The following CACNA1C variants were observed in gnomAD, a reference collection of about 807,000 sequenced individuals.
CACNA1C encodes voltage-dependent L-type calcium channel subunit alpha-1C.
CACNA1C carries 30 observed loss-of-function variants against 229.0 expected under a neutral mutation model. The observed-to-expected ratio is 0.13, with a 90% confidence interval of 0.10 to 0.18. The LOEUF (loss-of-function observed/expected upper bound fraction) is 0.18, where lower values mean the gene tolerates loss of function less well. CACNA1C is among the 10% of genes least tolerant of loss of function. CACNA1C has a pLI of 1.00. For synonymous variants in CACNA1C, 1,114 were observed against 1,132.5 expected (o/e 0.98, Z 0.33); for missense variants, 1,658 against 2,845.0 (o/e 0.58, Z 9.49).
chr12:2,384,323 C>A (rs1456144433), intron 3 of CACNA1C, among the ~76,000 whole-genome samples: 1 of 152,146 alleles, frequency 6.6e-6, no homozygotes, highest in Non-Finnish European at 1.5e-5. Flanking sequence ...CGTCTTTCAC[C>A]CTTTCTGTGC....
intron 3 of CACNA1C, among the ~76,000 whole-genome samples, chr12:2,274,326 C>T (rs979381575): frequency 1.3e-5 from 2 of 152,222 alleles, no homozygotes; most frequent in African/African-American, 4.8e-5. Context: ...CAAGTACCTG[C>T]TGATGTTTCT....
At chr12:2,353,089 G>A (rs1467527482) in intron 3 of CACNA1C, among the ~76,000 whole-genome samples, 1 of 152,208 alleles carries the variant, frequency 6.6e-6, no homozygotes, top group Non-Finnish European at 1.5e-5. Context: ...CTGGGGCGAG[G>A]TCACCTGTGG....
At chr12:2,620,086 A>C (rs561150521) in intron 29 of CACNA1C, among the ~76,000 whole-genome samples, 2 of 152,218 alleles carry the variant, frequency 1.3e-5, no homozygotes, top group Non-Finnish European at 2.9e-5. Context: ...AGAACCAGAC[A>C]TGAAGCTGGA....
intron 26 of CACNA1C, among the ~76,000 whole-genome samples, chr12:2,607,724 A>G (rs1196117441): frequency 6.6e-6 from 1 of 152,264 alleles, no homozygotes; most frequent in Non-Finnish European, 1.5e-5. Flanking sequence ...GCTTCCCATC[A>G]GATCCTTATA....
At chr12:2,448,939 GA>G in intron 3 of CACNA1C, 36 bp from the exon 4 acceptor site, 1 of 1,569,104 alleles carries the variant, frequency 6.4e-7, no homozygotes, top group East Asian at 2.2e-5. Flanking sequence ...CCAAACCAAT[GA>G]CTTATTTTTC....
At chr12:2,303,611 C>A (rs1388400860) in intron 3 of CACNA1C, among the ~76,000 whole-genome samples, 1 of 152,046 alleles carries the variant, frequency 6.6e-6, no homozygotes, top group Non-Finnish European at 1.5e-5. Flanking sequence ...CAAAAAAAAA[C>A]AAACAAAATA....
At chr12:2,159,088 C>G (rs1291314811) in intron 3 of CACNA1C, among the ~76,000 whole-genome samples, 1 of 151,972 alleles carries the variant, frequency 6.6e-6, no homozygotes, top group African/African-American at 2.4e-5. Flanking sequence ...AAAGAAACAG[C>G]TAAGGAATTG....
chr12:2,404,114 G>T (rs1302855205), intron 3 of CACNA1C, among the ~76,000 whole-genome samples: 1 of 152,164 alleles, frequency 6.6e-6, no homozygotes, highest in East Asian at 1.9e-4. Context: ...TTCTCTGTGT[G>T]CCACACTATG....
At chr12:2,091,309 G>T (rs1019817670) in intron 1 of CACNA1C, among the ~76,000 whole-genome samples, 2 of 152,134 alleles carry the variant, frequency 1.3e-5, no homozygotes, top group African/African-American at 4.8e-5. Flanking sequence ...TGAGAGGCTG[G>T]GTATGTTCAT....
At chr12:2,045,921 C>G (rs538930370) in intron 1 of CACNA1C, among the ~76,000 whole-genome samples, 1 of 151,784 alleles carries the variant, frequency 6.6e-6, no homozygotes, top group Admixed American at 6.6e-5. Context: ...ATTCCAATGA[C>G]AGGTGTCCTT....
At chr12:2,340,052 C>G (rs549587127) in intron 3 of CACNA1C, among the ~76,000 whole-genome samples, 60 of 152,236 alleles carry the variant, frequency 3.9e-4, no homozygotes, top group Non-Finnish European at 7.8e-4. Context: ...TATGAATCTG[C>G]AGTATAATGT....
At chr12:2,353,443 G>A (rs954154432) in intron 3 of CACNA1C, among the ~76,000 whole-genome samples, 5 of 152,198 alleles carry the variant, frequency 3.3e-5, no homozygotes, top group African/African-American at 9.7e-5. Flanking sequence ...CCTAACAGGC[G>A]GCGCTGCCGC....
At chr12:2,674,025 A>C (rs2096674281) in intron 38 of CACNA1C, among the ~76,000 whole-genome samples, 1 of 152,148 alleles carries the variant, frequency 6.6e-6, no homozygotes, top group South Asian at 2.1e-4. Flanking sequence ...TAAGGCAGGC[A>C]TCTAAGTAGG....
chr12:2,363,694 T>G (rs957027456), intron 3 of CACNA1C, among the ~76,000 whole-genome samples: 3 of 151,416 alleles, frequency 2.0e-5, no homozygotes, highest in East Asian at 3.9e-4. Context: ...AATATGTGTG[T>G]GGGAGGTTTA....
intron 3 of CACNA1C, among the ~76,000 whole-genome samples, chr12:2,400,923 C>T (rs975777347): frequency 6.6e-6 from 1 of 152,142 alleles, no homozygotes; most frequent in South Asian, 2.1e-4. Context: ...TCCCTCCTGC[C>T]CTCCCCATGC....
At position 2,518,521 on chromosome 12, in the gene CACNA1C, T is replaced by C. The variant is rs369401971; in HGVS notation, c.1390+5537T>C. On this transcript the variant is annotated intron_variant, in intron 9 of 46. Transcript: ENST00000399655. ...TACTTGAGAGGCTGAGGCAGGAGAA[T>C]GGCGTGAACCCAGGAGGCGGAGCTT... Among the ~76,000 whole-genome samples the C allele has an allele frequency of 1.9e-4, 28 of 150,274 alleles. 1 individual carries two copies. The highest frequency in any genetic ancestry group is 6.3e-4 in the South Asian group (3 of 4,754).
intron 3 of CACNA1C, among the ~76,000 whole-genome samples, chr12:2,334,198 G>A (rs1229431025): frequency 1.3e-5 from 2 of 152,222 alleles, no homozygotes; most frequent in African/African-American, 2.4e-5. Flanking sequence ...GAAAGTGGGT[G>A]GAAGCCATTT....
rs1555425823 is a variant in CACNA1C, at chr12:2,310,350, A to ATATATAT, written c.478-138626_478-138625insTATATAT. Among the ~76,000 whole-genome samples the ATATATAT allele has an allele frequency of 3.0e-3, 384 of 127,262 alleles. 1 individual carries two copies. Among genetic ancestry groups the ATATATAT allele is most frequent in the South Asian group, 0.018 (67 of 3,696 alleles). 83.5% of individuals were successfully genotyped at this position (127,262 alleles called of 152,430 possible). ...GTCCTCTGCCTCCCAGTTAAAAAAA[A>ATATATAT]AAATATATATATATATATATATGTA... On this transcript the variant is annotated intron_variant, in intron 3 of 46. Coordinates refer to ENST00000399655, the MANE Select transcript of CACNA1C (RefSeq NM_000719.7).
At chr12:2,257,063 G>T (rs1273188762) in intron 3 of CACNA1C, among the ~76,000 whole-genome samples, 1 of 152,176 alleles carries the variant, frequency 6.6e-6, no homozygotes, top group Admixed American at 6.5e-5. Context: ...GGGGACCAGG[G>T]CTTTGCTGTC....
Sources: allele counts gnomAD v4.1 joint callset (sites outside exome capture counted in the v4.1 genomes callset), GRCh38; gene constraint gnomAD v4.1.1; transcripts MANE v1.5; gene names NCBI Gene and HGNC (gene_info 2026-07-23, HGNC 2026-07-21).